MEI4: variants seen among roughly 807,000 people sequenced by gnomAD.
The protein encoded by MEI4 is meiotic double-stranded break formation protein 4.
A neutral mutation model predicts 31.4 loss-of-function variants in MEI4; 27 were observed. The ratio of observed to expected loss-of-function variants is 0.86; its 90% CI spans 0.63 to 1.19. MEI4 has a LOEUF of 1.19. Among genes scored for constraint, MEI4 ranks in the 50% most tolerant of loss-of-function variants. MEI4 has a pLI of 0.00. For missense variants in MEI4, 329 were observed against 398.9 expected, an observed-to-expected ratio of 0.82 and a Z score of 1.49; for synonymous variants, 122 against 145.4, an observed-to-expected ratio of 0.84 and a Z score of 1.16.
upstream of MEI4, among the ~76,000 whole-genome samples, chr6:77,652,295 C>G (rs1768312475): frequency 6.6e-6 from 1 of 152,134 alleles, no homozygotes; most frequent in Admixed American, 6.5e-5. Context: ...GGGAGTAAGG[C>G]TGCTGAAGTC....
chr6:77,848,319 C>T (rs1005562090), intron 4 of MEI4, among the ~76,000 whole-genome samples: 1 of 152,042 alleles, frequency 6.6e-6, no homozygotes. Flanking sequence ...TTGACCAGGC[C>T]AGCCATTTCT....
At chr6:77,876,533 A>G (rs924477692) in intron 4 of MEI4, among the ~76,000 whole-genome samples, 29 of 152,114 alleles carry the variant, frequency 1.9e-4, no homozygotes, top group Non-Finnish European at 2.4e-4. Flanking sequence ...TTTATAAATT[A>G]CTCAGTCTGT....
chr6:77,772,675 G>A (rs781167026), intron 3 of MEI4, among the ~76,000 whole-genome samples: 1 of 151,810 alleles, frequency 6.6e-6, no homozygotes, highest in Non-Finnish European at 1.5e-5. Flanking sequence ...ACAAGGATAT[G>A]CACTTCAACA....
At chr6:77,740,938 G>A (rs1767384752) in intron 2 of MEI4, among the ~76,000 whole-genome samples, 1 of 151,986 alleles carries the variant, frequency 6.6e-6, no homozygotes, top group African/African-American at 2.4e-5. Flanking sequence ...TTACAATAGG[G>A]AGTCACTAAA....
intron 3 of MEI4, among the ~76,000 whole-genome samples, chr6:77,771,153 A>C (rs2127686536): frequency 6.6e-6 from 1 of 152,342 alleles, no homozygotes; most frequent in Admixed American, 6.5e-5. Flanking sequence ...TTTCAAAAGA[A>C]GACATACATG....
intron 4 of MEI4, among the ~76,000 whole-genome samples, chr6:77,843,494 C>G (rs1013149838): frequency 6.6e-6 from 1 of 150,726 alleles, no homozygotes; most frequent in South Asian, 2.1e-4. Context: ...TTGAGAAAAA[C>G]CAACCAAGGG....
At position 77,758,416 on chromosome 6, in the gene MEI4, C is replaced by T. The variant is rs571450188; in HGVS notation, c.233-2714C>T. On this transcript the variant is annotated intron_variant, in intron 2 of 4. Coordinates refer to ENST00000684080, the MANE Select transcript of MEI4 (RefSeq NM_001322247.2). Reference sequence around the variant, plus strand: ...AAAGCTCAATCCTCCAATTCTACCTCATCAGCTTCCTTTTTTTCTGAAGGA... The same window carrying T: ...AAAGCTCAATCCTCCAATTCTACCTTATCAGCTTCCTTTTTTTCTGAAGGA... Among the ~76,000 whole-genome samples the T allele has an allele frequency of 5.3e-4, 81 of 152,284 alleles. 1 individual carries two copies. The South Asian group carries it at 0.016, about 29-fold the overall frequency.
At chr6:77,793,157 G>A (rs148847387) in intron 3 of MEI4, among the ~76,000 whole-genome samples, 1 of 152,198 alleles carries the variant, frequency 6.6e-6, no homozygotes, top group East Asian at 1.9e-4. Context: ...GTAAGAAAAG[G>A]GAGACTAATC....
intron 4 of MEI4, among the ~76,000 whole-genome samples, chr6:77,860,885 C>T (rs1001425521): frequency 2.6e-5 from 4 of 152,116 alleles, no homozygotes; most frequent in Non-Finnish European, 4.4e-5. Context: ...ATTTCTTGAA[C>T]GTGTTCCTCC....
chr6:77,918,291 C>A (rs1766615038), intron 4 of MEI4, among the ~76,000 whole-genome samples: 1 of 148,312 alleles, frequency 6.7e-6, no homozygotes, highest in South Asian at 2.2e-4. Flanking sequence ...GTAGTTTTTT[C>A]CAATTCTGTG....
At chr6:77,762,073 T>C (rs764020229) in intron 3 of MEI4, among the ~76,000 whole-genome samples, 11 of 152,170 alleles carry the variant, frequency 7.2e-5, no homozygotes, top group Non-Finnish European at 1.2e-4. Context: ...CATGATGGAT[T>C]ATCTGTACTG....
chr6:77,914,711 C>T (rs12197063), intron 4 of MEI4, among the ~76,000 whole-genome samples: 44,549 of 151,888 alleles, frequency 0.29, 7,098 homozygotes, highest in South Asian at 0.36. Flanking sequence ...TAACCTATCT[C>T]TCCCCTTAGA....
intron 2 of MEI4, among the ~76,000 whole-genome samples, chr6:77,733,449 T>C (rs1767076818): frequency 6.6e-6 from 1 of 152,134 alleles, no homozygotes; most frequent in South Asian, 2.1e-4. Flanking sequence ...TGGTAGTTTG[T>C]ATTTCTGTGT....
chr6:77,692,392 CTT>C (rs1428845934), intron 2 of MEI4, among the ~76,000 whole-genome samples: 1 of 152,084 alleles, frequency 6.6e-6, no homozygotes, highest in African/African-American at 2.4e-5. Context: ...TCTCAGGTCT[CTT>C]TACTTGTTGC....
chr6:77,672,341 C>T (rs1582009208), intron 1 of MEI4, among the ~76,000 whole-genome samples: 1 of 152,180 alleles, frequency 6.6e-6, no homozygotes, highest in African/African-American at 2.4e-5. Flanking sequence ...CAGAATCATG[C>T]TTGCTCAGAG....
intron 1 of MEI4, among the ~76,000 whole-genome samples, chr6:77,664,711 AT>A (rs1402635450): frequency 6.6e-6 from 1 of 152,158 alleles, no homozygotes; most frequent in East Asian, 1.9e-4. Flanking sequence ...AAGATTTGGG[AT>A]GAGTTGCACT....
Position 77,866,362 on chromosome 6 carries a change from G to C in MEI4, c.900+37300G>C, listed in dbSNP as rs1771028162. Among the ~76,000 whole-genome samples the C allele has an allele frequency of 4.6e-5, 7 of 152,180 alleles. 1 individual carries two copies. The highest frequency in any genetic ancestry group is 4.6e-4 in the Admixed American group (7 of 15,270). On this transcript the variant is annotated intron_variant, in intron 4 of 4. Transcript: ENST00000684080. The stretch of plus-strand genomic sequence containing the variant: ...TCTCAGCCCAAAATCTCCTTAAGCT[G>C]ATAGGCAACTTCAGCAAAGTCTCAG...
intron 3 of MEI4, among the ~76,000 whole-genome samples, chr6:77,791,249 T>C (rs931283777): frequency 1.3e-5 from 2 of 152,234 alleles, no homozygotes; most frequent in South Asian, 2.1e-4. Context: ...TATTGCGGCA[T>C]TATTCACGAT....
intron 4 of MEI4, among the ~76,000 whole-genome samples, chr6:77,839,276 C>T (rs1301600041): frequency 6.6e-6 from 1 of 151,932 alleles, no homozygotes; most frequent in African/African-American, 2.4e-5. Flanking sequence ...ATGGTGAAAA[C>T]TCAGAAAAAA....
Sources: allele counts gnomAD v4.1 joint callset (sites outside exome capture counted in the v4.1 genomes callset), GRCh38; gene constraint gnomAD v4.1.1; transcripts MANE v1.5; gene names NCBI Gene and HGNC (gene_info 2026-07-23, HGNC 2026-07-21).